The following YPEL1 variants were observed in gnomAD, a reference collection of about 807,000 sequenced individuals.
The protein encoded by YPEL1 is yippee like 1.
Under a neutral mutation model 17.3 loss-of-function variants are expected in YPEL1, and 7 were observed. The observed-to-expected ratio is 0.40, with a 90% CI of 0.23 to 0.76. The LOEUF is 0.76. Among genes scored for constraint, YPEL1 ranks in the 30% least tolerant of loss-of-function variants. The pLI, the probability that YPEL1 is intolerant of heterozygous loss-of-function variation, is 0.35. For missense variants in YPEL1, 91 were observed against 155.5 expected (o/e 0.59, Z 2.21); for synonymous variants, 59 against 59.6 (o/e 0.99, Z 0.05).
In YPEL1 at chr22:21,703,950, C is replaced by T; in HGVS notation, c.118-68G>A. 6.5e-7 allele frequency: 1 copy of T among 1,529,488 alleles called. No individual in the cohort carries two copies. Among genetic ancestry groups the T allele is most frequent in the Non-Finnish European group, 8.9e-7 (1 of 1,126,308 alleles). The allele number at this position is 1,529,488 out of a possible 1,614,324, so 94.7% of individuals were successfully genotyped here. ...TGGAACGAAGCGGTGCTGCCCAGAA[C>T]CAGGGGAGTCCAGCCCCGCGGCTGT... On this transcript the variant is annotated intron_variant, in intron 2 of 4. Transcript: ENST00000339468. This position sits in a 1 kb window ranked among gnomAD's most constrained non-coding sequence, Gnocchi z 6.1.
chr22:21,725,861 C>T (rs1230060670), intron 1 of YPEL1, among the ~76,000 whole-genome samples: 4 of 150,668 alleles, frequency 2.7e-5, no homozygotes, highest in Non-Finnish European at 5.9e-5. Flanking sequence ...TAGCCGGGCA[C>T]GGTGGCACAT....
chr22:21,705,400 C>T (rs986915938), intron 2 of YPEL1, among the ~76,000 whole-genome samples: 1 of 152,188 alleles, frequency 6.6e-6, no homozygotes, highest in East Asian at 1.9e-4. Context: ...TGTACGCTGT[C>T]AGATTTTCAT....
intron 1 of YPEL1, among the ~76,000 whole-genome samples, chr22:21,725,438 C>T (rs1232250433): frequency 1.3e-5 from 2 of 151,874 alleles, no homozygotes; most frequent in African/African-American, 4.8e-5. Flanking sequence ...ACTATCTTGC[C>T]TCGGCTGGTC....
At chr22:21,709,477 A>G (rs1386590218) in intron 2 of YPEL1, among the ~76,000 whole-genome samples, 1 of 152,170 alleles carries the variant, frequency 6.6e-6, no homozygotes, top group African/African-American at 2.4e-5. Context: ...GTTAAACAGG[A>G]AACCTAAGAG....
chr22:21,728,788 T>C (rs2068359957), intron 1 of YPEL1, among the ~76,000 whole-genome samples: 1 of 152,108 alleles, frequency 6.6e-6, no homozygotes, highest in Admixed American at 6.6e-5. Flanking sequence ...GGTGGGTGCA[T>C]CGCTTGAGTC....
At chr22:21,708,258 G>A in intron 2 of YPEL1, among the ~76,000 whole-genome samples, 1 of 151,252 alleles carries the variant, frequency 6.6e-6, no homozygotes, top group East Asian at 1.9e-4. Flanking sequence ...TGCTCAGAGA[G>A]CTTAGTTCTC....
intron 2 of YPEL1, among the ~76,000 whole-genome samples, chr22:21,706,677 C>G (rs1284541345): frequency 1.3e-5 from 2 of 151,692 alleles, no homozygotes; most frequent in Non-Finnish European, 2.9e-5. Context: ...AAAACCCTGT[C>G]CCTACAAAAA....
intron 1 of YPEL1, among the ~76,000 whole-genome samples, chr22:21,724,961 G>T (rs1186584042): frequency 6.6e-6 from 1 of 150,646 alleles, no homozygotes; most frequent in African/African-American, 2.4e-5. Context: ...AGGCTCGAGT[G>T]CAATGGTGCA....
intron 1 of YPEL1, among the ~76,000 whole-genome samples, chr22:21,715,651 C>T (rs942332452): frequency 1.3e-5 from 2 of 150,264 alleles, no homozygotes; most frequent in African/African-American, 4.9e-5. Context: ...GCACCATCTG[C>T]GCTCACTGCA....
intron 1 of YPEL1, 62 bp downstream of exon 1, chr22:21,735,553 T>A (rs1601648351): frequency 6.8e-6 from 1 of 147,442 alleles, no homozygotes; most frequent in East Asian, 2.0e-4. Flanking sequence ...GCAGCCACAG[T>A]ATCCTTGGGT....
chr22:21,715,065 T>C (rs118174315), intron 1 of YPEL1, among the ~76,000 whole-genome samples: 1,691 of 152,312 alleles, frequency 0.011, 16 homozygotes, highest in South Asian at 0.037. Context: ...GTGTAAGGCA[T>C]GTATGTATAG....
At chr22:21,701,659 T>C (rs956273143) in intron 4 of YPEL1, among the ~76,000 whole-genome samples, 13 of 152,160 alleles carry the variant, frequency 8.5e-5, no homozygotes, top group Admixed American at 6.5e-4. Flanking sequence ...ATTTACTACA[T>C]GTGGGACAAT....
chr22:21,723,428 C>T (rs149001989), intron 1 of YPEL1, among the ~76,000 whole-genome samples: 27 of 152,202 alleles, frequency 1.8e-4, no homozygotes, highest in Non-Finnish European at 2.2e-4. Context: ...AGTGCAGTGG[C>T]GCGATCTCGG....
chr22:21,723,390 G>A (rs1228430302), intron 1 of YPEL1, among the ~76,000 whole-genome samples: 6 of 147,176 alleles, frequency 4.1e-5, no homozygotes, highest in Non-Finnish European at 9.0e-5. Context: ...TTGAAACAGA[G>A]TCTCACTCAC....
At chr22:21,708,468 T>C (rs961626174) in intron 2 of YPEL1, among the ~76,000 whole-genome samples, 1 of 150,786 alleles carries the variant, frequency 6.6e-6, no homozygotes, top group African/African-American at 2.4e-5. Context: ...CCCAAATAGC[T>C]GGGATTACAG....
At chr22:21,730,309 C>T (rs769643329) in intron 1 of YPEL1, among the ~76,000 whole-genome samples, 7 of 152,034 alleles carry the variant, frequency 4.6e-5, no homozygotes, top group Non-Finnish European at 7.4e-5. Context: ...CTGCAGCCTC[C>T]GCCTCCTGGA....
intron 2 of YPEL1, among the ~76,000 whole-genome samples, chr22:21,709,338 C>G (rs2068143278): frequency 6.6e-6 from 1 of 152,206 alleles, no homozygotes; most frequent in African/African-American, 2.4e-5. Context: ...CACACAGGAG[C>G]CCCAGAGGCA....
intron 4 of YPEL1, among the ~76,000 whole-genome samples, chr22:21,702,842 G>T (rs923345453): frequency 1.3e-5 from 2 of 152,218 alleles, no homozygotes; most frequent in African/African-American, 4.8e-5. Flanking sequence ...TCAGCCATGT[G>T]GTGGAGAGAG....
chr22:21,721,657 C>T (rs1028999439), intron 1 of YPEL1, among the ~76,000 whole-genome samples: 3 of 152,214 alleles, frequency 2.0e-5, no homozygotes, highest in African/African-American at 7.2e-5. Context: ...CTCCTGACCT[C>T]AAGTGATCCA....
Sources: allele counts gnomAD v4.1 joint callset (sites outside exome capture counted in the v4.1 genomes callset), GRCh38; gene constraint gnomAD v4.1.1; non-coding constraint Gnocchi (gnomAD v3.1); transcripts MANE v1.5; gene names NCBI Gene and HGNC (gene_info 2026-07-23, HGNC 2026-07-21).